The following TSPAN14 variants were observed in gnomAD, a reference collection of about 807,000 sequenced individuals.
The protein encoded by TSPAN14 is tetraspanin 14, also known as tetraspanin-14.
Under a neutral mutation model 36.6 loss-of-function variants are expected in TSPAN14, and 16 were observed. That is an observed-to-expected ratio of 0.44 (90% CI 0.30 to 0.66). The LOEUF (loss-of-function observed/expected upper bound fraction) is 0.66, where lower values mean the gene tolerates loss of function less well. TSPAN14 is among the 30% of genes least tolerant of loss of function. The pLI, the probability that TSPAN14 is intolerant of heterozygous loss-of-function variation, is 0.12. For missense variants in TSPAN14, 231 were observed against 355.1 expected, an observed-to-expected ratio of 0.65 and a Z score of 2.81; for synonymous variants, 139 against 143.8, an observed-to-expected ratio of 0.97 and a Z score of 0.24.
At chr10:80,518,822 A>G (rs1841094521) in exon 9 of TSPAN14, 1 of 152,860 alleles carries the variant, frequency 6.5e-6, no homozygotes, top group African/African-American at 2.4e-5. Context: ...CTCCTCCAGC[A>G]TTCTCCTCTG....
At chr10:80,475,650 C>A (rs1254959279) in intron 1 of TSPAN14, among the ~76,000 whole-genome samples, 3 of 152,094 alleles carry the variant, frequency 2.0e-5, no homozygotes, top group Non-Finnish European at 4.4e-5. Context: ...TGCAGTGGCG[C>A]GATCTTGGCT....
intron 5 of TSPAN14, 143 bp from the exon 6 acceptor site, chr10:80,512,001 T>C: frequency 7.7e-7 from 1 of 1,301,300 alleles, no homozygotes; most frequent in Non-Finnish European, 1.1e-6. Flanking sequence ...TCTCTGCACA[T>C]GGGAGGTAGG....
At chr10:80,512,356 T>TA in intron 6 of TSPAN14, 87 bp downstream of exon 6, 1 of 1,544,506 alleles carries the variant, frequency 6.5e-7, no homozygotes, top group South Asian at 1.2e-5. Flanking sequence ...CTAGGATACT[T>TA]CTCTGTCATG....
chr10:80,471,676 G>T (rs1006405268), intron 1 of TSPAN14, among the ~76,000 whole-genome samples: 1 of 152,182 alleles, frequency 6.6e-6, no homozygotes, highest in Non-Finnish European at 1.5e-5. Context: ...TTCAATGGCA[G>T]AGGGAAGTAG....
chr10:80,469,111 A>T (rs1471812925), intron 1 of TSPAN14, among the ~76,000 whole-genome samples: 8 of 145,018 alleles, frequency 5.5e-5, no homozygotes. Context: ...AAGCCCCCTT[A>T]GCCCAGAGCC....
intron 2 of TSPAN14, among the ~76,000 whole-genome samples, chr10:80,499,049 G>A (rs75933785): frequency 0.015 from 2,349 of 152,306 alleles, 58 homozygotes; most frequent in African/African-American, 0.053. Context: ...GCTGAGGAAA[G>A]GCCTCTGGGG....
At chr10:80,457,731 A>G (rs537446853) in intron 1 of TSPAN14, among the ~76,000 whole-genome samples, 2 of 152,324 alleles carry the variant, frequency 1.3e-5, no homozygotes, top group African/African-American at 4.8e-5. Context: ...GAATGGGAAG[A>G]CCAGCACTAC....
At chr10:80,486,865 A>T (rs1564727014) in intron 1 of TSPAN14, among the ~76,000 whole-genome samples, 1 of 152,188 alleles carries the variant, frequency 6.6e-6, no homozygotes, top group Non-Finnish European at 1.5e-5. Flanking sequence ...ATTAATCCAG[A>T]CATGGATTTA....
intron 1 of TSPAN14, among the ~76,000 whole-genome samples, chr10:80,482,511 C>T (rs1159820135): frequency 6.6e-6 from 1 of 150,690 alleles, no homozygotes; most frequent in African/African-American, 2.5e-5. Context: ...TGGTCTCAAA[C>T]TCCTGACCTC....
At chr10:80,512,874 GTTGTTGTTGTT>G (rs1840734089) in intron 6 of TSPAN14, among the ~76,000 whole-genome samples, 1 of 4,124 alleles carries the variant, frequency 2.4e-4, no homozygotes, top group East Asian at 0.056. Context: ...TTTTCTGTTT[GTTGTTGTTGTT>G]GTTGTTGTTG....
chr10:80,501,263 T>A (rs976484343), intron 2 of TSPAN14, among the ~76,000 whole-genome samples: 2 of 151,014 alleles, frequency 1.3e-5, no homozygotes, highest in Non-Finnish European at 2.9e-5. Flanking sequence ...TTTTTTTTTT[T>A]ACAGCTAATT....
intron 2 of TSPAN14, among the ~76,000 whole-genome samples, chr10:80,498,834 A>G (rs1848341927): frequency 6.6e-6 from 1 of 152,242 alleles, no homozygotes; most frequent in African/African-American, 2.4e-5. Flanking sequence ...TGTAGAGAAC[A>G]TAGGCTCAGA....
chr10:80,511,809 TCTTTC>T (rs1840668365), intron 5 of TSPAN14, among the ~76,000 whole-genome samples: 1 of 150,008 alleles, frequency 6.7e-6, no homozygotes, highest in Admixed American at 6.6e-5. Flanking sequence ...TTTCTCTCTC[TCTTTC>T]CTTTCTTTCT....
intron 1 of TSPAN14, among the ~76,000 whole-genome samples, chr10:80,482,400 C>T (rs148076305): frequency 0.013 from 2,025 of 151,538 alleles, 75 homozygotes; most frequent in East Asian, 0.079. Flanking sequence ...AATTCTCCTG[C>T]CTCAACCTCC....
intron 1 of TSPAN14, among the ~76,000 whole-genome samples, chr10:80,476,661 C>T (rs539049681): frequency 4.6e-5 from 7 of 151,800 alleles, no homozygotes; most frequent in South Asian, 2.1e-4. Flanking sequence ...GTGATCTGCC[C>T]GCCTCGGCCT....
intron 2 of TSPAN14, among the ~76,000 whole-genome samples, chr10:80,504,114 T>G (rs1840149437): frequency 6.6e-6 from 1 of 152,344 alleles, no homozygotes; most frequent in Admixed American, 6.5e-5. Flanking sequence ...AAGCCCAGCC[T>G]TTCCTGAGCA....
intron 3 of TSPAN14, among the ~76,000 whole-genome samples, chr10:80,505,175 C>T (rs886653488): frequency 3.3e-5 from 5 of 152,190 alleles, no homozygotes; most frequent in African/African-American, 4.8e-5. Context: ...CAGCAGGGAG[C>T]GGGGCTGGGT....
At chr10:80,461,593 C>T (rs551928698) in intron 1 of TSPAN14, among the ~76,000 whole-genome samples, 22 of 152,126 alleles carry the variant, frequency 1.4e-4, no homozygotes, top group African/African-American at 4.6e-4. Flanking sequence ...GGCATGTGCC[C>T]AGGATGGGGT....
intron 1 of TSPAN14, among the ~76,000 whole-genome samples, chr10:80,458,945 GA>G (rs1424481849): frequency 2.0e-5 from 3 of 151,464 alleles, no homozygotes; most frequent in Non-Finnish European, 4.4e-5. Context: ...CTTTCTAGTT[GA>G]GTGACCTACA....
Sources: allele counts gnomAD v4.1 joint callset (sites outside exome capture counted in the v4.1 genomes callset), GRCh38; gene constraint gnomAD v4.1.1; transcripts MANE v1.5; gene names NCBI Gene and HGNC (gene_info 2026-07-23, HGNC 2026-07-21).